The following ITFG2 variants were observed in gnomAD, a reference collection of about 807,000 sequenced individuals.
The protein encoded by ITFG2 is KICSTOR complex protein ITFG2.
ITFG2 carries 36 observed loss-of-function variants against 54.4 expected under a neutral mutation model. The observed-to-expected ratio is 0.66, with a 90% CI of 0.51 to 0.87. The LOEUF (loss-of-function observed/expected upper bound fraction) is 0.87. Ranked by LOEUF, ITFG2 falls within the 40% of genes least tolerant of loss-of-function variation. The pLI is 0.00. For missense variants in ITFG2, 524 were observed against 576.7 expected, an observed-to-expected ratio of 0.91 and a Z score of 0.94; for synonymous variants, 211 against 225.4, an observed-to-expected ratio of 0.94 and a Z score of 0.57.
chr12:2,843,752 G>A (rs2098046784), intron 2 of ITFG2, among the ~76,000 whole-genome samples: 1 of 152,066 alleles, frequency 6.6e-6, no homozygotes, highest in South Asian at 2.1e-4. Context: ...GGTGGAGGTT[G>A]CAGTGAGCTG....
rs2097957419 is a variant in ITFG2 at position 2,824,439 on chromosome 12, GGT to G, written c.*247_*248del. On this transcript the variant is annotated 3_prime_UTR_variant, in exon 12 of 12. Transcript: ENST00000228799. ...TGGACCTCACCCATCATGCCAGCAG[GGT>G]CATAGGACCCTGGCCTTGTTCCAAA... 7.4e-6 allele frequency: 4 copies of G among 537,150 alleles called. No individual in the cohort carries two copies. The highest frequency in any genetic ancestry group is 7.3e-5 in the South Asian group (4 of 54,962). 33.3% of individuals were successfully genotyped at this position (537,150 alleles called of 1,614,324 possible).
intron 2 of ITFG2, among the ~76,000 whole-genome samples, chr12:2,854,487 G>A (rs1345571786): frequency 6.6e-6 from 1 of 152,190 alleles, no homozygotes; most frequent in East Asian, 1.9e-4. Flanking sequence ...TGTACTCCAG[G>A]CCTTCGGGCT....
chr12:2,846,136 A>T (rs966025177), intron 2 of ITFG2, among the ~76,000 whole-genome samples: 1 of 152,140 alleles, frequency 6.6e-6, no homozygotes, highest in South Asian at 2.1e-4. Flanking sequence ...GCCGATGAAC[A>T]AGAGAGCCTG....
At chr12:2,849,655 C>G (rs1176176248) in intron 2 of ITFG2, 1 of 1,010,652 alleles carries the variant, frequency 9.9e-7, no homozygotes, top group African/African-American at 1.6e-5. Flanking sequence ...CAGGGAATCC[C>G]TTCTGTCTCT....
intron 2 of ITFG2, chr12:2,830,596 G>T: frequency 8.4e-7 from 1 of 1,195,184 alleles, no homozygotes; most frequent in African/African-American, 1.6e-5. Flanking sequence ...AGGGAGAGAG[G>T]TGCCCTTTCT....
In ITFG2 at chr12:2,820,034, G is replaced by A. The variant is rs2097937850; in HGVS notation, c.407-52G>A. On this transcript the variant is annotated intron_variant, in intron 4 of 11. Coordinates refer to ENST00000228799, the MANE Select transcript of ITFG2 (RefSeq NM_018463.4). ...GGAAGGTGCCACTGTTAGCAGAGGA[G>A]CGGGGGCTGCTCGTGGGACTCCAGA... 12 of 1,562,576 alleles carry A rather than the reference G, an allele frequency of 7.7e-6. No homozygotes were observed. The South Asian group carries it at 1.2e-4, about 16-fold the overall frequency.
In ITFG2 at chr12:2,820,720, G is replaced by A. The variant is rs2097941107; in HGVS notation, c.547-4G>A. On this transcript the variant is annotated splice_polypyrimidine_tract_variant and splice_region_variant and intron_variant, in intron 5 of 11. Coordinates refer to ENST00000228799, the MANE Select transcript of ITFG2 (RefSeq NM_018463.4). ...TCTCCCTTTAATCCCATTCCCTGGT[G>A]CAGGTGGACAGCCTCTCAGTGACTC... 3.7e-6 allele frequency: 6 copies of A among 1,612,168 alleles called. No homozygotes were observed. Among genetic ancestry groups the A allele is most frequent in the Non-Finnish European group, 5.1e-6 (6 of 1,179,528 alleles).
At chr12:2,851,698 A>G (rs976691292) in intron 2 of ITFG2, among the ~76,000 whole-genome samples, 16 of 151,156 alleles carry the variant, frequency 1.1e-4, no homozygotes, top group Admixed American at 9.2e-4. Context: ...TTTTTTCCCA[A>G]GATGTAGTCT....
downstream of ITFG2, chr12:2,827,132 C>T: frequency 1.2e-6 from 2 of 1,602,562 alleles, no homozygotes; most frequent in Non-Finnish European, 1.7e-6. The surrounding 1 kb of genome is among the most constrained non-coding windows in gnomAD (Gnocchi z 4.0). Context: ...TACCTGGCTT[C>T]AAGAGCCCCC....
intron 2 of ITFG2, chr12:2,857,152 G>A: frequency 2.9e-6 from 2 of 693,454 alleles, no homozygotes; most frequent in South Asian, 1.5e-5. Flanking sequence ...GCCCTCACCT[G>A]TCCCTGGAGC....
intron 2 of ITFG2, among the ~76,000 whole-genome samples, chr12:2,846,430 G>A (rs780224321): frequency 6.6e-6 from 1 of 152,118 alleles, no homozygotes; most frequent in Non-Finnish European, 1.5e-5. Context: ...CAAGTAGCCC[G>A]AGAAGCAGAT....
intron 4 of ITFG2, 65 bp downstream of exon 4, chr12:2,818,342 C>T (rs2153924061): frequency 6.3e-7 from 1 of 1,596,476 alleles, no homozygotes; most frequent in South Asian, 1.1e-5. Flanking sequence ...GAGCATATCC[C>T]AAGGGATTGG....
At chr12:2,818,595 C>T in intron 4 of ITFG2, 1 of 414,952 alleles carries the variant, frequency 2.4e-6, no homozygotes, top group Non-Finnish European at 4.5e-6. Context: ...GCCAGGAGTT[C>T]CAGGCTGTAG....
downstream of ITFG2, among the ~76,000 whole-genome samples, chr12:2,829,995 T>G (rs1370034641): frequency 6.6e-6 from 1 of 151,424 alleles, no homozygotes; most frequent in Non-Finnish European, 1.5e-5. Context: ...GAGAATCGCT[T>G]GAACCCAGGA....
At chr12:2,830,780 G>A (rs1291129528) in intron 2 of ITFG2, 2 of 1,613,762 alleles carry the variant, frequency 1.2e-6, no homozygotes, top group Non-Finnish European at 1.7e-6. Flanking sequence ...CATGAATCAG[G>A]TCCTGCATCC....
intron 4 of ITFG2, 196 bp from the exon 5 acceptor site, chr12:2,819,890 G>A (rs1050769762): frequency 2.2e-4 from 116 of 531,218 alleles, no homozygotes; most frequent in Admixed American, 5.6e-4. Context: ...GAGCGGATAG[G>A]AGCTGCGGAA....
At chr12:2,859,237 C>T (rs1399012190) in intron 3 of ITFG2, 2 of 1,613,618 alleles carry the variant, frequency 1.2e-6, no homozygotes, top group Non-Finnish European at 8.5e-7. Flanking sequence ...GTACTGGGCC[C>T]CTCTGAGAAG....
intron 8 of ITFG2, 33 bp downstream of exon 8, chr12:2,821,629 T>C: frequency 6.2e-7 from 1 of 1,613,978 alleles, no homozygotes; most frequent in Non-Finnish European, 8.5e-7. Context: ...GTGGGGGCTG[T>C]ATGCCTGTAG....
intron 2 of ITFG2, among the ~76,000 whole-genome samples, chr12:2,856,663 C>T (rs1007995352): frequency 1.4e-4 from 21 of 152,170 alleles, no homozygotes; most frequent in African/African-American, 5.1e-4. Flanking sequence ...GTGCCTGGCC[C>T]CCAGGACTTT....
Sources: gnomAD v4.1 joint callset for allele counts (sites outside exome capture counted in the v4.1 genomes callset) on GRCh38, gnomAD v4.1.1 for gene constraint, Gnocchi (gnomAD v3.1) non-coding constraint, MANE v1.5 for transcripts, NCBI Gene and HGNC (gene_info 2026-07-23, HGNC 2026-07-21) for gene names.